The following FBXO31 variants were observed in gnomAD, a reference collection of about 807,000 sequenced individuals.
FBXO31 encodes F-box only protein 31.
Under a neutral mutation model 54.4 loss-of-function variants are expected in FBXO31, and 24 were observed. That is an observed-to-expected ratio of 0.44 (90% CI 0.32 to 0.62). The LOEUF is 0.62. Ranked by LOEUF, FBXO31 falls within the 20% of genes least tolerant of loss-of-function variation. FBXO31 has a pLI of 0.05. For missense variants in FBXO31, 665 were observed against 787.1 expected, an observed-to-expected ratio of 0.84 and a Z score of 1.86; for synonymous variants, 388 against 335.6, an observed-to-expected ratio of 1.16 and a Z score of -1.71.
intron 1 of FBXO31, among the ~76,000 whole-genome samples, chr16:87,389,388 C>G (rs948934502): frequency 1.3e-5 from 2 of 152,182 alleles, no homozygotes; most frequent in African/African-American, 4.8e-5. Context: ...CATTACTACA[C>G]AACTGTCGAT....
chr16:87,388,446 G>C (rs1907401243), upstream of FBXO31, among the ~76,000 whole-genome samples: 1 of 152,218 alleles, frequency 6.6e-6, no homozygotes, highest in Non-Finnish European at 1.5e-5. Flanking sequence ...CGATGGATAG[G>C]ACACTGGGCC....
chr16:87,327,816 G>C lies in FBXO31; in HGVS notation c.*3472C>G, dbSNP rs1351932478. On this transcript the variant is annotated 3_prime_UTR_variant, in exon 9 of 9. Transcript: ENST00000311635. Reference sequence around the variant, plus strand: ...ACACTGGACTTGATCATGATTCCAGGAGTTTTATTCTCAGGACAGGTGATG... The same window carrying C: ...ACACTGGACTTGATCATGATTCCAGCAGTTTTATTCTCAGGACAGGTGATG... 1 of 152,168 alleles carries C rather than the reference G, an allele frequency of 6.6e-6. No homozygotes were observed. The highest frequency in any genetic ancestry group is 1.5e-5 in the Non-Finnish European group (1 of 68,058). 9.4% of individuals were successfully genotyped at this position (152,168 alleles called of 1,614,324 possible).
chr16:87,380,982 C>G (rs1365556612), intron 1 of FBXO31, among the ~76,000 whole-genome samples: 1 of 152,128 alleles, frequency 6.6e-6, no homozygotes, highest in African/African-American at 2.4e-5. Context: ...TTACGGTTTC[C>G]CAAACAAACC....
intron 8 of FBXO31, among the ~76,000 whole-genome samples, chr16:87,332,229 A>G (rs1472924772): frequency 1.3e-5 from 2 of 152,234 alleles, no homozygotes; most frequent in Non-Finnish European, 2.9e-5. Flanking sequence ...AGGTGCAGCC[A>G]TCGGCACTGT....
At chr16:87,385,254 T>C (rs895775021), upstream of FBXO31, among the ~76,000 whole-genome samples, 5 of 152,062 alleles carry the variant, frequency 3.3e-5, no homozygotes, top group African/African-American at 9.7e-5. Flanking sequence ...GTCAGGAGAT[T>C]GAGACCATCC....
intron 1 of FBXO31, among the ~76,000 whole-genome samples, chr16:87,373,185 C>T (rs972791972): frequency 6.6e-6 from 1 of 152,036 alleles, no homozygotes; most frequent in Non-Finnish European, 1.5e-5. Context: ...GGCACAGTGG[C>T]TCACGCCTGT....
chr16:87,340,304 A>G (rs1040482144), intron 5 of FBXO31, among the ~76,000 whole-genome samples: 14 of 152,342 alleles, frequency 9.2e-5, no homozygotes, highest in South Asian at 2.1e-4. Flanking sequence ...AACAAAAACT[A>G]TAAGAATGAG....
intron 1 of FBXO31, among the ~76,000 whole-genome samples, chr16:87,376,409 G>T (rs567088200): frequency 6.6e-6 from 1 of 152,116 alleles, no homozygotes; most frequent in African/African-American, 2.4e-5. Context: ...AAGTAACTGG[G>T]ATTACAGGTG....
At chr16:87,378,337 T>C (rs1353958652) in intron 1 of FBXO31, among the ~76,000 whole-genome samples, 4 of 152,268 alleles carry the variant, frequency 2.6e-5, no homozygotes, top group Admixed American at 2.0e-4. Context: ...CAAAATAAAA[T>C]GGCACAAAAT....
At chr16:87,342,150 C>A (rs1246651527) in intron 5 of FBXO31, among the ~76,000 whole-genome samples, 1 of 152,158 alleles carries the variant, frequency 6.6e-6, no homozygotes, top group Non-Finnish European at 1.5e-5. Context: ...ACTGCAGTCT[C>A]CACCTCCTGG....
chr16:87,353,177 C>T (rs1393986741), intron 2 of FBXO31, among the ~76,000 whole-genome samples: 1 of 152,186 alleles, frequency 6.6e-6, no homozygotes, highest in East Asian at 1.9e-4. Flanking sequence ...CTGCTCGGCT[C>T]CTGGGTCCTC....
intron 1 of FBXO31, among the ~76,000 whole-genome samples, chr16:87,389,345 T>C (rs535330793): frequency 1.3e-5 from 2 of 152,300 alleles, no homozygotes; most frequent in African/African-American, 4.8e-5. Flanking sequence ...ACTTCAGTCC[T>C]ATATTTCAAA....
Position 87,346,513 on chromosome 16 carries a change from C to T in FBXO31, c.489+661G>A, listed in dbSNP as rs1905393503. On this transcript the variant is annotated intron_variant, in intron 3 of 8. Coordinates refer to ENST00000311635, the MANE Select transcript of FBXO31 (RefSeq NM_024735.5). This position sits in a 1 kb window ranked among gnomAD's most constrained non-coding sequence, Gnocchi z 4.2. ...TCAAGTACCCAGGACTAGACAGGCA[C>T]TGCCATGGCAGACCCAACGAACAGG... Among the ~76,000 whole-genome samples the T allele has an allele frequency of 6.6e-6, 1 of 152,244 alleles. No individual in the cohort carries two copies. The highest frequency in any genetic ancestry group is 1.5e-5 in the Non-Finnish European group (1 of 68,042).
At chr16:87,347,655 G>A (rs373960911) in intron 2 of FBXO31, among the ~76,000 whole-genome samples, 41 of 148,624 alleles carry the variant, frequency 2.8e-4, no homozygotes, top group Admixed American at 4.7e-4. Flanking sequence ...ACTCCAGCCC[G>A]GGCGACAGAG....
intron 2 of FBXO31, among the ~76,000 whole-genome samples, chr16:87,357,515 G>A (rs188677524): frequency 3.9e-4 from 60 of 152,086 alleles, no homozygotes; most frequent in Admixed American, 2.3e-3. Context: ...TTTTAGTAGA[G>A]ATGAGTTTCA....
At chr16:87,332,573 C>G (rs1292815183) in intron 8 of FBXO31, among the ~76,000 whole-genome samples, 1 of 152,132 alleles carries the variant, frequency 6.6e-6, no homozygotes, top group Non-Finnish European at 1.5e-5. Flanking sequence ...TCTCTGTAAA[C>G]CCCCCAGTCA....
In FBXO31 at chr16:87,338,884, G is replaced by A. The variant is rs1375569091; in HGVS notation, c.733-2620C>T. Among the ~76,000 whole-genome samples the A allele has an allele frequency of 6.6e-6, 1 of 152,122 alleles. No individual in the cohort carries two copies. The highest frequency in any genetic ancestry group is 1.5e-5 in the Non-Finnish European group (1 of 68,024). On this transcript the variant is annotated intron_variant, in intron 5 of 8. Coordinates refer to ENST00000311635, the MANE Select transcript of FBXO31 (RefSeq NM_024735.5). This position sits in a 1 kb window ranked among gnomAD's most constrained non-coding sequence, Gnocchi z 4.3. ...TTCCCATGTCATGGGAGGGACCCCA[G>A]GAGGTAACTGAATCATGGGGGTGGG...
At chr16:87,357,965 G>A (rs1905970039) in intron 2 of FBXO31, among the ~76,000 whole-genome samples, 1 of 151,676 alleles carries the variant, frequency 6.6e-6, no homozygotes. Context: ...GTCTATTGAG[G>A]GTATATGCAT....
chr16:87,378,216 C>A (rs1175591583), intron 1 of FBXO31, among the ~76,000 whole-genome samples: 1 of 150,050 alleles, frequency 6.7e-6, no homozygotes, highest in South Asian at 2.1e-4. Flanking sequence ...ATAAAATCCA[C>A]AAATCAAAGA....
Sources: allele counts gnomAD v4.1 joint callset (sites outside exome capture counted in the v4.1 genomes callset), GRCh38; gene constraint gnomAD v4.1.1; non-coding constraint Gnocchi (gnomAD v3.1); transcripts MANE v1.5; gene names NCBI Gene and HGNC (gene_info 2026-07-23, HGNC 2026-07-21).